Variants in ZNF586 observed in about 807,000 individuals in gnomAD.
ZNF586 encodes zinc finger protein 586.
Under a neutral mutation model 6.7 loss-of-function variants are expected in ZNF586, and 7 were observed. The observed-to-expected ratio is 1.04, with a 90% CI of 0.59 to 1.95. The LOEUF is 1.95. Among genes scored for constraint, ZNF586 ranks in the 30% most tolerant of loss-of-function variants. The pLI is 0.00. For synonymous variants in ZNF586, 166 were observed against 168.7 expected, an observed-to-expected ratio of 0.98 and a Z score of 0.12; for missense variants, 442 against 489.6, an observed-to-expected ratio of 0.90 and a Z score of 0.92.
chr19:57,774,294 G>A lies in ZNF586; in HGVS notation c.37-2249G>A, dbSNP rs183421644. On this transcript the variant is annotated intron_variant, in intron 1 of 2. Transcript: ENST00000396154. The stretch of plus-strand genomic sequence containing the variant: ...TCCCAGCACTTTCGGAGGCTGAGGT[G>A]GGCGGATCACTTGAGGTCGGGAGTT... 6.4e-3 allele frequency among the ~76,000 whole-genome samples: 969 copies of A among 151,048 alleles called. 5 individuals are homozygous for A. The highest frequency in any genetic ancestry group is 9.9e-3 in the Non-Finnish European group (671 of 67,906).
chr19:57,770,883 A>C, intron 1 of ZNF586, among the ~76,000 whole-genome samples: 1 of 149,870 alleles, frequency 6.7e-6, no homozygotes, highest in Non-Finnish European at 1.5e-5. Flanking sequence ...ACGGGTTCTC[A>C]CTCAACACCC....
At chr19:57,778,690 T>C in intron 2 of ZNF586, 61 bp from the exon 3 acceptor site, 1 of 1,480,544 alleles carries the variant, frequency 6.8e-7, no homozygotes, top group South Asian at 1.3e-5. Context: ...GATACTCTTG[T>C]GGGTAGGCTG....
In ZNF586 at chr19:57,779,422, C is replaced by A; in HGVS notation, c.835C>A (p.Gln279Lys). 6.2e-7 allele frequency: 1 copy of A among 1,613,476 alleles called. No individual in the cohort carries two copies. ...KSFRRSSSLL[Q>K]HQRVHTRERP... ...ATTTCGCCGAAGCTCTTCACTCTTG[C>A]AGCATCAGAGAGTTCACACTAGAGA... The change falls in exon 3 of 3, where the codon CAG becomes AAG. Residue 279 changes from glutamine to lysine, a missense_variant. Physicochemically the swap from Gln to Lys is moderately conservative, Grantham distance 53. Coordinates refer to ENST00000396154, the MANE Select transcript of ZNF586 (RefSeq NM_017652.4).
rs1269616882 is a variant in ZNF586 at position 57,776,540 on chromosome 19, C to T, written c.37-3C>T. 3 of 1,611,408 alleles carry T rather than the reference C, an allele frequency of 1.9e-6. No individual in the cohort carries two copies. Among genetic ancestry groups the T allele is most frequent in the East Asian group, 2.2e-5 (1 of 44,754 alleles). Reference sequence around the variant, plus strand: ...GTGGTTTCATCTATCCCCATCATAACAGAGCAGTGTGACCTTTGAAGATGT... The same window carrying T: ...GTGGTTTCATCTATCCCCATCATAATAGAGCAGTGTGACCTTTGAAGATGT... On this transcript the variant is annotated splice_region_variant and splice_polypyrimidine_tract_variant and intron_variant, in intron 1 of 2. Coordinates refer to ENST00000396154, the MANE Select transcript of ZNF586 (RefSeq NM_017652.4).
chr19:57,772,149 GT>G (rs1987111787), intron 1 of ZNF586, among the ~76,000 whole-genome samples: 1 of 152,154 alleles, frequency 6.6e-6, no homozygotes, highest in Non-Finnish European at 1.5e-5. Context: ...AATGTGAACA[GT>G]GAGAGCTTGA....
chr19:57,771,625 T>A (rs1987099772), intron 1 of ZNF586, among the ~76,000 whole-genome samples: 1 of 151,998 alleles, frequency 6.6e-6, no homozygotes, highest in Non-Finnish European at 1.5e-5. Context: ...TACTTAGAAG[T>A]GAAACTAGAG....
At chr19:57,772,880 A>G (rs1242369452) in intron 1 of ZNF586, among the ~76,000 whole-genome samples, 2 of 152,130 alleles carry the variant, frequency 1.3e-5, no homozygotes, top group African/African-American at 4.8e-5. Flanking sequence ...AGATTGGGGT[A>G]TGGGGCTGAA....
chr19:57,774,216 CAAAAA>C (rs34864063), intron 1 of ZNF586, among the ~76,000 whole-genome samples: 1 of 68,974 alleles, frequency 1.4e-5, no homozygotes, highest in Non-Finnish European at 2.7e-5. Context: ...AACTCCGTCT[CAAAAA>C]AAAAAAAAAA....
chr19:57,775,600 C>CT (rs563657252), intron 1 of ZNF586, among the ~76,000 whole-genome samples: 36,350 of 122,704 alleles, frequency 0.3, 6,603 homozygotes, highest in East Asian at 0.4. Flanking sequence ...CCTGGTTGCT[C>CT]TTTTTTTTTT....
chr19:57,769,791 A>G lies in ZNF586; in HGVS notation c.-52A>G. 3.9e-6 allele frequency: 6 copies of G among 1,537,644 alleles called. No individual in the cohort carries two copies. Among genetic ancestry groups the G allele is most frequent in the Non-Finnish European group, 5.3e-6 (6 of 1,140,174 alleles). ...GACGCCGCTGGTCGCGACCCGGGAC[A>G]GGACAACGACAGGAACACCGCCGAG... On this transcript the variant is annotated 5_prime_UTR_variant, in exon 1 of 3. Transcript: ENST00000396154.
chr19:57,772,933 C>T (rs554862309), intron 1 of ZNF586, among the ~76,000 whole-genome samples: 5 of 152,144 alleles, frequency 3.3e-5, no homozygotes, highest in African/African-American at 7.2e-5. Context: ...TTTCCCTGAC[C>T]GGTCTCCATT....
chr19:57,778,872 A>G lies in ZNF586; in HGVS notation c.285A>G (p.Lys95=), dbSNP rs757688049. The G allele has an allele frequency of 3.1e-6, 5 of 1,614,198 alleles. No individual in the cohort carries two copies. Among genetic ancestry groups the G allele is most frequent in the South Asian group, 1.1e-5 (1 of 91,086 alleles). ...ERPYECGEYR[K]LFKNKSCLTE... ...CTTATGAGTGTGGGGAATATAGGAA[A>G]TTATTTAAGAACAAGTCCTGCCTCA... The change falls in exon 3 of 3, where the codon AAA becomes AAG. Residue 95 remains lysine, a synonymous_variant. Coordinates refer to ENST00000396154, the MANE Select transcript of ZNF586 (RefSeq NM_017652.4).
rs1316544707 is a variant in ZNF586, at chr19:57,780,147, G to A, written c.*351G>A. On this transcript the variant is annotated 3_prime_UTR_variant, in exon 3 of 3. Coordinates refer to ENST00000396154, the MANE Select transcript of ZNF586 (RefSeq NM_017652.4). ...CATCAAATAGCTGCATACATTCCAG[G>A]TATGTGGGAACTGCATAGTATTTTT... 1 of 248,000 alleles carries A rather than the reference G, an allele frequency of 4.0e-6. No individual in the cohort carries two copies. The highest frequency in any genetic ancestry group is 7.8e-6 in the Non-Finnish European group (1 of 128,916). The allele number at this position is 248,000 out of a possible 1,614,324, so 15.4% of individuals were successfully genotyped here.
At chr19:57,774,800 A>C in intron 1 of ZNF586, 1 of 979,202 alleles carries the variant, frequency 1.0e-6, no homozygotes, top group Non-Finnish European at 1.2e-6. Flanking sequence ...ATTATGGTGT[A>C]AGCCCTAAAG....
chr19:57,769,904 A>AG, intron 1 of ZNF586, 26 bp downstream of exon 1: 1 of 807,664 alleles, frequency 1.2e-6, no homozygotes, highest in Non-Finnish European at 1.9e-6. Context: ...TCCGGGCCTT[A>AG]CCCACCCTAC....
intron 1 of ZNF586, among the ~76,000 whole-genome samples, chr19:57,774,249 G>A (rs1048847393): frequency 8.0e-5 from 11 of 137,362 alleles, no homozygotes; most frequent in African/African-American, 2.5e-4. Flanking sequence ...TCAGCCGGGC[G>A]CGGTGGCTCA....
At chr19:57,774,452 G>A (rs992117560) in intron 1 of ZNF586, among the ~76,000 whole-genome samples, 9 of 151,694 alleles carry the variant, frequency 5.9e-5, no homozygotes, top group African/African-American at 2.2e-4. Context: ...GAACCTGGGA[G>A]GTGGAGGTTG....
At position 57,769,867 on chromosome 19, in the gene ZNF586, G is replaced by A; in HGVS notation, c.25G>A (p.Ala9Thr). The change falls in exon 1 of 3, where the codon GCG becomes ACG. Residue 9 changes from alanine to threonine, a missense_variant. Physicochemically the swap from Ala to Thr is moderately conservative, Grantham distance 58 (BLOSUM62 0). Coordinates refer to ENST00000396154, the MANE Select transcript of ZNF586 (RefSeq NM_017652.4). MAAAAALR[A>T]PAQSSVTFED... Reference sequence around the variant, plus strand: ...CATGGCGGCAGCAGCCGCTCTGAGGGCGCCTGCTCAGGTGAGCGCTGCGAC... The same window carrying A: ...CATGGCGGCAGCAGCCGCTCTGAGGACGCCTGCTCAGGTGAGCGCTGCGAC... The A allele has an allele frequency of 6.5e-7, 1 of 1,544,098 alleles. No homozygotes were observed. Among genetic ancestry groups the A allele is most frequent in the Non-Finnish European group, 8.7e-7 (1 of 1,145,214 alleles).
At chr19:57,773,961 A>T (rs915105921) in intron 1 of ZNF586, among the ~76,000 whole-genome samples, 1 of 152,144 alleles carries the variant, frequency 6.6e-6, no homozygotes, top group Non-Finnish European at 1.5e-5. Context: ...CACACCTGTG[A>T]TCCCAGCACT....
Sources: allele counts gnomAD v4.1 joint callset (sites outside exome capture counted in the v4.1 genomes callset), GRCh38; gene constraint gnomAD v4.1.1; transcripts MANE v1.5; gene names NCBI Gene and HGNC (gene_info 2026-07-23, HGNC 2026-07-21).